Variants in TPRG1 observed in about 807,000 individuals in gnomAD.
TPRG1 encodes tumor protein p63 regulated 1, also known as tumor protein p63-regulated gene 1 protein.
In TPRG1, 29 loss-of-function variants were observed where a neutral mutation model predicts 29.3. The observed-to-expected ratio is 0.99, with a 90% CI of 0.74 to 1.35. The LOEUF is 1.35. Among genes scored for constraint, TPRG1 ranks in the 40% most tolerant of loss-of-function variants. The probability of loss-of-function intolerance (pLI) is 0.00; values close to 1 mark genes in which losing one functional copy is unlikely to be tolerated. For synonymous variants in TPRG1, 130 were observed against 116.8 expected (o/e 1.11, Z -0.73); for missense variants, 327 against 335.0 (o/e 0.98, Z 0.19).
chr3:189,108,665 C>A (rs967916648), intron 1 of TPRG1, among the ~76,000 whole-genome samples: 1 of 151,182 alleles, frequency 6.6e-6, no homozygotes, highest in Non-Finnish European at 1.5e-5. Context: ...TTCTTTGTTT[C>A]TGCTTTCTGA....
chr3:189,207,728 C>T, intron 2 of TPRG1, 134 bp downstream of exon 2: 1 of 794,764 alleles, frequency 1.3e-6, no homozygotes, highest in East Asian at 2.6e-5. Context: ...CATGAAGTAG[C>T]TATCCTTATC....
intron 1 of TPRG1, among the ~76,000 whole-genome samples, chr3:189,124,501 G>A (rs889989127): frequency 4.0e-5 from 6 of 151,502 alleles, no homozygotes; most frequent in South Asian, 2.1e-4. Context: ...TTTGTTTCAC[G>A]TATACATATT....
chr3:189,113,428 T>G (rs1305023643), intron 1 of TPRG1, among the ~76,000 whole-genome samples: 2 of 152,140 alleles, frequency 1.3e-5, no homozygotes, highest in Admixed American at 1.3e-4. Flanking sequence ...ATAGGAGTGG[T>G]GAGACAGGGC....
intron 4 of TPRG1, among the ~76,000 whole-genome samples, chr3:189,251,734 C>T (rs551288662): frequency 6.6e-6 from 1 of 152,328 alleles, no homozygotes; most frequent in South Asian, 2.1e-4. Flanking sequence ...GTATTGTTGC[C>T]CGCATGTCCC....
In TPRG1 at chr3:189,206,378, A is replaced by C. The variant is rs979480300; in HGVS notation, c.-9-998A>C. ...TATTTTATTTTTTGGTGTTAGACTC[A>C]ATGTTGCATGAATGTCTAATGTTTT... On this transcript the variant is annotated intron_variant, in intron 1 of 5. Coordinates refer to ENST00000345063, the MANE Select transcript of TPRG1 (RefSeq NM_198485.4). 6.6e-5 allele frequency among the ~76,000 whole-genome samples: 10 copies of C among 152,056 alleles called. No individual in the cohort carries two copies. In the East Asian group the frequency reaches 1.9e-3, roughly 29 times the overall value.
At chr3:189,280,067 G>A (rs1716847327) in intron 4 of TPRG1, among the ~76,000 whole-genome samples, 1 of 151,984 alleles carries the variant, frequency 6.6e-6, no homozygotes, top group African/African-American at 2.4e-5. Flanking sequence ...AAAATAAGAG[G>A]GATTAGTGAT....
At chr3:189,228,098 G>A (rs1178910154) in intron 3 of TPRG1, among the ~76,000 whole-genome samples, 1 of 152,152 alleles carries the variant, frequency 6.6e-6, no homozygotes, top group Non-Finnish European at 1.5e-5. Flanking sequence ...TCCAGCCTGG[G>A]CAACAGAGCG....
At chr3:189,241,570 T>G (rs1034911907) in intron 4 of TPRG1, among the ~76,000 whole-genome samples, 1 of 152,106 alleles carries the variant, frequency 6.6e-6, no homozygotes, top group African/African-American at 2.4e-5. Flanking sequence ...AACATTATTA[T>G]GCTATTTTTC....
intron 4 of TPRG1, among the ~76,000 whole-genome samples, chr3:189,288,436 A>G (rs1479878216): frequency 6.6e-6 from 1 of 152,238 alleles, no homozygotes. Context: ...ATATATTAAT[A>G]CTATTCACCA....
At chr3:189,293,300 C>T (rs561432281) in intron 4 of TPRG1, among the ~76,000 whole-genome samples, 8 of 152,178 alleles carry the variant, frequency 5.3e-5, no homozygotes, top group Non-Finnish European at 1.0e-4. Flanking sequence ...CTCCCACTTC[C>T]GCTGTCACAC....
chr3:189,036,950 AG>A (rs960455094), intron 4 of TPRG1, among the ~76,000 whole-genome samples: 4 of 151,364 alleles, frequency 2.6e-5, no homozygotes, highest in Admixed American at 6.6e-5. Context: ...AAACTGACAT[AG>A]TTATCAAAAA....
At chr3:189,221,930 C>T (rs77496419) in intron 3 of TPRG1, among the ~76,000 whole-genome samples, 1,569 of 152,262 alleles carry the variant, frequency 0.01, 27 homozygotes, top group African/African-American at 0.036. Context: ...CTCTCCCAGG[C>T]CAGTTGTCTT....
chr3:189,174,170 G>T (rs985261217), intron 1 of TPRG1, among the ~76,000 whole-genome samples: 1 of 152,192 alleles, frequency 6.6e-6, no homozygotes, highest in African/African-American at 2.4e-5. Context: ...TCAAGTCCGA[G>T]AATTCATTTA....
chr3:189,320,546 T>C (rs1239348477), intron 5 of TPRG1, 80 bp from the exon 6 acceptor site: 1 of 1,288,910 alleles, frequency 7.8e-7, no homozygotes, highest in Admixed American at 2.8e-5. Flanking sequence ...TCAACTTCTG[T>C]GAAGACTGGC....
intron 1 of TPRG1, among the ~76,000 whole-genome samples, chr3:189,193,615 CTTT>C (rs3065369): frequency 1.3e-5 from 2 of 148,148 alleles, no homozygotes; most frequent in East Asian, 2.0e-4. Context: ...ATTCTTAGTT[CTTT>C]TTTTTTTTCT....
In TPRG1 at chr3:189,270,092, A is replaced by G. The variant is rs532691726; in HGVS notation, c.479+31183A>G. 1.1e-3 allele frequency among the ~76,000 whole-genome samples: 165 copies of G among 151,716 alleles called. 1 individual carries two copies. Among genetic ancestry groups the G allele is most frequent in the Middle Eastern group, 3.4e-3 (1 of 294 alleles). On this transcript the variant is annotated intron_variant, in intron 4 of 5. Transcript: ENST00000345063. Reference sequence around the variant, plus strand: ...CTGTAGAGTAACGAGAGCACAAACTAGCTATGTTGTTCAAAGTCCGATCTT... The same window carrying G: ...CTGTAGAGTAACGAGAGCACAAACTGGCTATGTTGTTCAAAGTCCGATCTT...
In TPRG1 at chr3:189,237,528, C is replaced by A. The variant is rs111395565; in HGVS notation, c.303-1205C>A. Reference sequence around the variant, plus strand: ...AAAATACAATGAGGCCAAGTTTATACAGGAGTTTAGGAAATCCTCTTTGAA... The same window carrying A: ...AAAATACAATGAGGCCAAGTTTATAAAGGAGTTTAGGAAATCCTCTTTGAA... On this transcript the variant is annotated intron_variant, in intron 3 of 5. Transcript: ENST00000345063. 3.0e-3 allele frequency among the ~76,000 whole-genome samples: 460 copies of A among 152,276 alleles called. 4 individuals carry two copies. The highest frequency in any genetic ancestry group is 0.011 in the African/African-American group (449 of 41,556).
At chr3:189,161,452 AAGT>A (rs1470394329) in intron 5 of TPRG1, among the ~76,000 whole-genome samples, 4 of 133,600 alleles carry the variant, frequency 3.0e-5, no homozygotes, top group African/African-American at 9.9e-5. Flanking sequence ...CTAGCTTAAT[AAGT>A]AGTAGGTTCT....
intron 4 of TPRG1, among the ~76,000 whole-genome samples, chr3:189,071,438 G>A (rs977788520): frequency 2.6e-5 from 4 of 151,690 alleles, no homozygotes; most frequent in African/African-American, 9.7e-5. Context: ...AAGTAGCACA[G>A]CAATGCAGAG....
Sources: allele counts gnomAD v4.1 joint callset (sites outside exome capture counted in the v4.1 genomes callset), GRCh38; gene constraint gnomAD v4.1.1; transcripts MANE v1.5; gene names NCBI Gene and HGNC (gene_info 2026-07-23, HGNC 2026-07-21).